Variants in DCN observed in about 807,000 individuals in gnomAD.
The protein encoded by DCN is bone proteoglycan II.
Under a neutral mutation model 36.5 loss-of-function variants are expected in DCN, and 17 were observed. The ratio of observed to expected loss-of-function variants is 0.47; its 90% CI spans 0.32 to 0.70. The LOEUF is 0.70. Ranked by LOEUF, DCN falls within the 30% of genes least tolerant of loss-of-function variation. The probability of loss-of-function intolerance (pLI) is 0.04; values close to 1 mark genes in which losing one functional copy is unlikely to be tolerated. For synonymous variants in DCN, 163 were observed against 161.4 expected (o/e 1.01, Z -0.07); for missense variants, 389 against 430.1 (o/e 0.90, Z 0.84).
At chr12:91,172,063 A>T (rs372345349) in intron 2 of DCN, 50 of 152,272 alleles carry the variant, frequency 3.3e-4, no homozygotes, top group African/African-American at 1.2e-3. Context: ...CTTTAAAATC[A>T]AGTTATTTAT....
chr12:91,168,761 C>T (rs1882744679), intron 2 of DCN, among the ~76,000 whole-genome samples: 2 of 152,152 alleles, frequency 1.3e-5, no homozygotes, highest in African/African-American at 2.4e-5. Context: ...TAAATGAATG[C>T]TACTTACTAT....
chr12:91,144,506 C>A lies in DCN; in HGVS notation c.*1552G>T, dbSNP rs1171430459. On this transcript the variant is annotated 3_prime_UTR_variant, in exon 8 of 8. Transcript: ENST00000052754. ...CTCTTATTAAAAATACTGGAAAATTCAGATTTTATGGTCCTGCAAGAATGT... is the reference window on the plus strand; with the variant it reads ...CTCTTATTAAAAATACTGGAAAATTAAGATTTTATGGTCCTGCAAGAATGT... 6.6e-6 allele frequency: 1 copy of A among 152,044 alleles called. No individual in the cohort carries two copies. Among genetic ancestry groups the A allele is most frequent in the African/African-American group, 2.4e-5 (1 of 41,386 alleles). 9.4% of individuals were successfully genotyped at this position (152,044 alleles called of 1,614,324 possible). A position where few individuals can be genotyped will look rare whatever the true frequency, so the allele number is the denominator to read the frequency against.
At chr12:91,171,458 G>A (rs909227893) in intron 2 of DCN, among the ~76,000 whole-genome samples, 3 of 152,130 alleles carry the variant, frequency 2.0e-5, no homozygotes, top group Non-Finnish European at 2.9e-5. Flanking sequence ...ACCATTAGGA[G>A]GTAGCATCTA....
Position 91,164,610 on chromosome 12 carries a change from G to A in DCN, c.319C>T (p.Leu107Phe). 6.4e-7 allele frequency: 1 copy of A among 1,571,598 alleles called. No homozygotes were observed. Among genetic ancestry groups the A allele is most frequent in the Non-Finnish European group, 8.8e-7 (1 of 1,141,458 alleles). ...KDGDFKNLKNLHALILVNNKI... is the reference protein window; with the variant it reads ...KDGDFKNLKNFHALILVNNKI... ...TAAAAAAAAATAGTTCTTACGTGAA[G>A]GTTCTTCAGGTTCTTAAAGTCTCCA... Residue 107 changes from leucine to phenylalanine, a missense_variant, in exon 3 of 8, where the codon CTT becomes TTT. Leu to Phe is a conservative substitution (Grantham distance 22). Transcript: ENST00000052754.
Position 91,146,058 on chromosome 12 carries a change from T to C in DCN, c.1080A>G (p.Ter360=), listed in dbSNP as rs1306333489. ...RSAIQLGNYK[*] The stretch of plus-strand genomic sequence containing the variant: ...ATAAAAATGAGGGCTTTCTTGAGAA[T>C]TACTTATAGTTTCCGAGTTGAATGG... The change falls in exon 8 of 8, where the codon TAA becomes TAG. Residue 360 remains the stop codon, a stop_retained_variant. Coordinates refer to ENST00000052754, the MANE Select transcript of DCN (RefSeq NM_001920.5). 2 of 1,612,698 alleles carry C rather than the reference T, an allele frequency of 1.2e-6. No individual in the cohort carries two copies. The highest frequency in any genetic ancestry group is 3.3e-5 in the Admixed American group (2 of 59,994).
intron 1 of DCN, chr12:91,180,158 T>C (rs1883508076): frequency 6.6e-6 from 1 of 152,128 alleles, no homozygotes; most frequent in Non-Finnish European, 1.5e-5. Flanking sequence ...AGTCCCATCA[T>C]AGCAGATATT....
chr12:91,161,874 CTCATA>C (rs1258613563), intron 3 of DCN, among the ~76,000 whole-genome samples: 10 of 151,976 alleles, frequency 6.6e-5, no homozygotes, highest in Non-Finnish European at 1.5e-4. Flanking sequence ...ACACTCACTA[CTCATA>C]TCATATTGTG....
chr12:91,164,517 A>C, intron 3 of DCN, 88 bp downstream of exon 3: 1 of 732,540 alleles, frequency 1.4e-6, no homozygotes, highest in East Asian at 2.7e-5. Context: ...CTTTGTTGGT[A>C]CATAGTACTC....
intron 3 of DCN, among the ~76,000 whole-genome samples, chr12:91,163,181 G>C (rs1398036560): frequency 6.6e-6 from 1 of 152,186 alleles, no homozygotes; most frequent in African/African-American, 2.4e-5. Flanking sequence ...ATTTTATAGT[G>C]ATTCTGGTGT....
intron 2 of DCN, among the ~76,000 whole-genome samples, chr12:91,167,799 T>C (rs1024815792): frequency 2.0e-5 from 3 of 152,174 alleles, no homozygotes; most frequent in African/African-American, 7.2e-5. Flanking sequence ...CAGGATAGTT[T>C]GAGTCCTCAC....
Position 91,157,086 on chromosome 12 carries a change from C to T in DCN, c.641G>A (p.Ser214Asn). Residue 214 changes from serine to asparagine, a missense_variant, in exon 5 of 8, where the codon AGC becomes AAC. Ser to Asn is a conservative substitution (Grantham distance 46, BLOSUM62 1). Coordinates refer to ENST00000052754, the MANE Select transcript of DCN (RefSeq NM_001920.5). ...GAATCTTCTATCACCTTGAGGAATG[C>T]TGGTGATATTGGTATCAGCAATGCG... ...YIRIADTNIT[S>N]IPQGLPPSLT... 6.3e-7 allele frequency: 1 copy of T among 1,588,426 alleles called. No homozygotes were observed. Among genetic ancestry groups the T allele is most frequent in the East Asian group, 2.2e-5 (1 of 44,708 alleles).
chr12:91,157,117 A>G lies in DCN; in HGVS notation c.610T>C (p.Tyr204His). 6.2e-7 allele frequency: 1 copy of G among 1,613,380 alleles called. No homozygotes were observed. The highest frequency in any genetic ancestry group is 8.5e-7 in the Non-Finnish European group (1 of 1,179,370). Residue 204 changes from tyrosine to histidine, a missense_variant, in exon 5 of 8, where the codon TAC becomes CAC. Physicochemically the swap from Tyr to His is moderately conservative, Grantham distance 83. Coordinates refer to ENST00000052754, the MANE Select transcript of DCN (RefSeq NM_001920.5). ...GAFQGMKKLS[Y>H]IRIADTNITS... ...ATATTGGTATCAGCAATGCGGATGT[A>G]GGAGAGCTTCTTCATTCCCTGGAAA...
rs1880778580 is a variant in DCN at position 91,142,304 on chromosome 12, T to C, written c.*3754A>G. 6.6e-6 allele frequency: 1 copy of C among 152,192 alleles called. No individual in the cohort carries two copies. The highest frequency in any genetic ancestry group is 2.4e-5 in the African/African-American group (1 of 41,458). The allele number at this position is 152,192 out of a possible 1,614,324, so 9.4% of individuals were successfully genotyped here. On this transcript the variant is annotated 3_prime_UTR_variant, in exon 8 of 8. Coordinates refer to ENST00000052754, the MANE Select transcript of DCN (RefSeq NM_001920.5). Reference sequence around the variant, plus strand: ...TGTTGTGTGTGTGAAGGGGCAGTCTTGGACTGGGACTGCCTGGAACATTGG... The same window carrying C: ...TGTTGTGTGTGTGAAGGGGCAGTCTCGGACTGGGACTGCCTGGAACATTGG...
chr12:91,174,358 A>G (rs1418142583), intron 2 of DCN, among the ~76,000 whole-genome samples: 2 of 152,104 alleles, frequency 1.3e-5, no homozygotes, highest in Non-Finnish European at 2.9e-5. Flanking sequence ...AAGACTCTAA[A>G]TAAGTCTCTA....
chr12:91,148,544 C>T (rs1331971429), intron 7 of DCN, among the ~76,000 whole-genome samples: 1 of 151,322 alleles, frequency 6.6e-6, no homozygotes, highest in Non-Finnish European at 1.5e-5. Context: ...GATGAAACCC[C>T]GTTTCTACTA....
At chr12:91,179,286 C>G (rs2070985) in intron 1 of DCN, 17,755 of 152,514 alleles carry the variant, frequency 0.12, 1,407 homozygotes, top group African/African-American at 0.22. Context: ...AGCCACATTC[C>G]TTTTCATTGT....
At chr12:91,167,705 C>T (rs2121267823) in intron 2 of DCN, among the ~76,000 whole-genome samples, 1 of 152,266 alleles carries the variant, frequency 6.6e-6, no homozygotes, top group South Asian at 2.1e-4. Flanking sequence ...GTCTAATCTT[C>T]TCATTTCATA....
chr12:91,153,597 A>T (rs766162696), intron 5 of DCN, among the ~76,000 whole-genome samples: 2 of 152,174 alleles, frequency 1.3e-5, no homozygotes, highest in African/African-American at 4.8e-5. Flanking sequence ...CGTATAAATT[A>T]AACCCATGTA....
In DCN at chr12:91,144,228, A is replaced by C. The variant is rs925119379; in HGVS notation, c.*1830T>G. 1 of 152,226 alleles carries C rather than the reference A, an allele frequency of 6.6e-6. No homozygotes were observed. Among genetic ancestry groups the C allele is most frequent in the Non-Finnish European group, 1.5e-5 (1 of 68,060 alleles). 9.4% of individuals were successfully genotyped at this position (152,226 alleles called of 1,614,324 possible). A position where few individuals can be genotyped will look rare whatever the true frequency, so the allele number is the denominator to read the frequency against. ...CTCAAGGCTACACCATAAAGGGTGA[A>C]TCATTCAAGGTTACAATAAGAAGGG... On this transcript the variant is annotated 3_prime_UTR_variant, in exon 8 of 8. Coordinates refer to ENST00000052754, the MANE Select transcript of DCN (RefSeq NM_001920.5).
Sources: gnomAD v4.1 joint callset for allele counts (sites outside exome capture counted in the v4.1 genomes callset) on GRCh38, gnomAD v4.1.1 for gene constraint, MANE v1.5 for transcripts, NCBI Gene and HGNC (gene_info 2026-07-23, HGNC 2026-07-21) for gene names.